MED12L: variants seen among roughly 807,000 people sequenced by gnomAD.
MED12L encodes the protein mediator of RNA polymerase II transcription subunit 12-like protein.
In MED12L, 60 loss-of-function variants were observed where a neutral mutation model predicts 281.3. That is an observed-to-expected ratio of 0.21 (90% CI 0.17 to 0.26). The LOEUF (loss-of-function observed/expected upper bound fraction) is 0.26, where lower values mean the gene tolerates loss of function less well. Ranked by LOEUF, MED12L falls within the 10% of genes least tolerant of loss-of-function variation. The pLI is 1.00. For synonymous variants in MED12L, 974 were observed against 987.2 expected, an observed-to-expected ratio of 0.99 and a Z score of 0.25; for missense variants, 2,146 against 2,680.9, an observed-to-expected ratio of 0.80 and a Z score of 4.41.
chr3:151,180,146 A>G (rs985107657), intron 11 of MED12L, among the ~76,000 whole-genome samples: 25 of 152,202 alleles, frequency 1.6e-4, no homozygotes, highest in African/African-American at 5.8e-4. Flanking sequence ...GAAATTTTCT[A>G]TTTTTTAAAA....
intron 16 of MED12L, among the ~76,000 whole-genome samples, chr3:151,226,700 C>A (rs1730558546): frequency 6.6e-6 from 1 of 152,018 alleles, no homozygotes; most frequent in African/African-American, 2.4e-5. Context: ...TAAGGTTTTG[C>A]ATGAGGTGGA....
chr3:151,222,768 AT>A (rs985018326), intron 16 of MED12L, among the ~76,000 whole-genome samples: 4 of 152,066 alleles, frequency 2.6e-5, no homozygotes, highest in African/African-American at 9.7e-5. Context: ...AGTTAGCATC[AT>A]TTTTTTCCCC....
intron 11 of MED12L, among the ~76,000 whole-genome samples, chr3:151,178,180 A>AAAAAG (rs1308485097): frequency 6.6e-6 from 1 of 151,266 alleles, no homozygotes; most frequent in African/African-American, 2.4e-5. Flanking sequence ...AAAAAAAAAA[A>AAAAAG]AAAAGAAAGT....
intron 16 of MED12L, among the ~76,000 whole-genome samples, chr3:151,273,227 C>CTTTT (rs63035061): frequency 2.1e-4 from 22 of 106,150 alleles, no homozygotes; most frequent in East Asian, 2.7e-4. Context: ...TTGTTGTGTT[C>CTTTT]TTTTTTTTTT....
In MED12L at chr3:151,281,834, TA is replaced by T. The variant is rs147862205; in HGVS notation, c.2251-68222del. Among the ~76,000 whole-genome samples, 1,522 of 152,268 alleles carry T rather than the reference TA, an allele frequency of 1.0e-2. 24 individuals carry two copies. The highest frequency in any genetic ancestry group is 0.035 in the African/African-American group (1,434 of 41,546). Reference sequence around the variant, plus strand: ...TATTAGTAATAGGACTGGTTATATATAAACATCCCTTGTGTATTCATACTAC... The same window carrying T: ...TATTAGTAATAGGACTGGTTATATATAACATCCCTTGTGTATTCATACTAC... On this transcript the variant is annotated intron_variant, in intron 16 of 44. Transcript: ENST00000687756.
At chr3:151,297,956 G>A (rs1745329699) in intron 16 of MED12L, among the ~76,000 whole-genome samples, 1 of 151,992 alleles carries the variant, frequency 6.6e-6, no homozygotes, top group East Asian at 1.9e-4. Flanking sequence ...CAAATTAGTG[G>A]TTAAAGCCTG....
chr3:151,266,603 C>G (rs567681090), intron 16 of MED12L, among the ~76,000 whole-genome samples: 1 of 152,282 alleles, frequency 6.6e-6, no homozygotes, highest in Non-Finnish European at 1.5e-5. Context: ...CTTGAACATT[C>G]TTTCCTATTC....
chr3:151,323,372 A>G (rs529004887), intron 16 of MED12L, among the ~76,000 whole-genome samples: 63 of 152,182 alleles, frequency 4.1e-4, no homozygotes, highest in Non-Finnish European at 8.4e-4. Context: ...TCTTCACCTT[A>G]GAAACCTTCA....
intron 5 of MED12L, among the ~76,000 whole-genome samples, chr3:151,153,277 A>G (rs1323266654): frequency 3.3e-5 from 5 of 152,198 alleles, no homozygotes; most frequent in Non-Finnish European, 5.9e-5. Context: ...GATGCTAGGT[A>G]GAGTATGGTC....
Position 151,416,417 on chromosome 3 carries a change from C to T in MED12L, c.6403C>T (p.Pro2135Ser). 6.2e-7 allele frequency: 1 copy of T among 1,613,918 alleles called. No homozygotes were observed. Residue 2135 changes from proline (P) to serine (S), a missense_variant, in exon 43 of 45, where the codon CCC becomes TCC. By Grantham distance (74) the Pro-to-Ser change is moderately conservative (BLOSUM62 -1). Coordinates refer to ENST00000687756, the MANE Select transcript of MED12L (RefSeq NM_001393769.1). ...TCTCCAAGCAATGCAGCCCCAGCAGCCCTTGGTAAGGCCTGTTGTTTTGGA... is the reference window on the plus strand; with the variant it reads ...TCTCCAAGCAATGCAGCCCCAGCAGTCCTTGGTAAGGCCTGTTGTTTTGGA... ...LGLQAMQPQQPLFPRQGLQQT... is the reference protein window; with the variant it reads ...LGLQAMQPQQSLFPRQGLQQT...
chr3:151,330,197 G>A (rs1367723407), intron 16 of MED12L, among the ~76,000 whole-genome samples: 1 of 152,156 alleles, frequency 6.6e-6, no homozygotes, highest in Non-Finnish European at 1.5e-5. Flanking sequence ...TGAATTGGTT[G>A]CCTGGAATAG....
intron 16 of MED12L, among the ~76,000 whole-genome samples, chr3:151,224,260 C>T (rs1730024683): frequency 6.6e-6 from 1 of 152,040 alleles, no homozygotes; most frequent in South Asian, 2.1e-4. Flanking sequence ...TCCTTCCTTT[C>T]AGTCCAGACA....
intron 16 of MED12L, chr3:151,294,717 TGTTTG>T: frequency 6.2e-7 from 1 of 1,614,130 alleles, no homozygotes; most frequent in Middle Eastern, 1.6e-4. Context: ...GTTAGGATGA[TGTTTG>T]GCAAAGACAA....
At chr3:151,233,150 C>A (rs1234409171) in intron 16 of MED12L, among the ~76,000 whole-genome samples, 1 of 152,122 alleles carries the variant, frequency 6.6e-6, no homozygotes. Flanking sequence ...CTAGTTTCTG[C>A]AGATCTGGGT....
intron 39 of MED12L, among the ~76,000 whole-genome samples, chr3:151,396,750 A>G (rs1715030290): frequency 6.6e-6 from 1 of 152,228 alleles, no homozygotes; most frequent in Admixed American, 6.5e-5. Context: ...TCAAACTGTT[A>G]CTGCCAAATT....
intron 5 of MED12L, among the ~76,000 whole-genome samples, chr3:151,139,568 A>G (rs988980215): frequency 6.6e-6 from 1 of 152,218 alleles, no homozygotes; most frequent in Non-Finnish European, 1.5e-5. Flanking sequence ...GTTTTCCTTC[A>G]TAGTATTAAC....
intron 2 of MED12L, among the ~76,000 whole-genome samples, chr3:151,110,345 C>G (rs1377274515): frequency 1.3e-5 from 2 of 152,262 alleles, no homozygotes; most frequent in Admixed American, 1.3e-4. Context: ...GTGTCCATGT[C>G]CAGCCCAGTT....
intron 16 of MED12L, among the ~76,000 whole-genome samples, chr3:151,306,240 C>G (rs1746623554): frequency 6.6e-6 from 1 of 152,184 alleles, no homozygotes; most frequent in Admixed American, 6.5e-5. Flanking sequence ...CATCACTTAA[C>G]CATTTCTTTT....
At chr3:151,088,618 G>A (rs1719591406) in intron 2 of MED12L, among the ~76,000 whole-genome samples, 1 of 152,134 alleles carries the variant, frequency 6.6e-6, no homozygotes, top group African/African-American at 2.4e-5. Flanking sequence ...TCAGGCCAAT[G>A]CTCATTTCAC....
Sources: allele counts gnomAD v4.1 joint callset (sites outside exome capture counted in the v4.1 genomes callset), GRCh38; gene constraint gnomAD v4.1.1; transcripts MANE v1.5; gene names NCBI Gene and HGNC (gene_info 2026-07-23, HGNC 2026-07-21).